Variants in ARHGAP15 observed in about 807,000 individuals in gnomAD.
ARHGAP15 encodes Rho GTPase activating protein 15.
Under a neutral mutation model 63.7 loss-of-function variants are expected in ARHGAP15, and 51 were observed. The observed-to-expected ratio is 0.80, with a 90% CI of 0.64 to 1.01. The LOEUF is 1.01. Among genes scored for constraint, ARHGAP15 ranks in the 50% least tolerant of loss-of-function variants. The probability of loss-of-function intolerance (pLI) is 0.00; values close to 1 mark genes in which losing one functional copy is unlikely to be tolerated. For synonymous variants in ARHGAP15, 191 were observed against 193.8 expected (o/e 0.99, Z 0.12); for missense variants, 560 against 564.6 (o/e 0.99, Z 0.08).
At chr2:143,264,946 C>T (rs540347015) in intron 6 of ARHGAP15, among the ~76,000 whole-genome samples, 2 of 152,048 alleles carry the variant, frequency 1.3e-5, no homozygotes, top group South Asian at 4.2e-4. Context: ...GGTCATGTAG[C>T]TTTTCTGTTA....
In ARHGAP15 at chr2:143,719,279, G is replaced by A. The variant is rs147651191; in HGVS notation, c.1244+15755G>A. ...TTACCTCCCATAGAGTTTGTGATAC[G>A]AAAAGATAAAGAAATCACTCCAAAT... On this transcript the variant is annotated intron_variant, in intron 13 of 13. Coordinates refer to ENST00000295095, the MANE Select transcript of ARHGAP15 (RefSeq NM_018460.4). Among the ~76,000 whole-genome samples, 365 of 152,190 alleles carry A rather than the reference G, an allele frequency of 2.4e-3. 2 individuals carry two copies. The highest frequency in any genetic ancestry group is 8.0e-3 in the African/African-American group (332 of 41,522).
At chr2:143,189,218 T>C (rs1044676124) in intron 2 of ARHGAP15, among the ~76,000 whole-genome samples, 1 of 152,188 alleles carries the variant, frequency 6.6e-6, no homozygotes, top group Non-Finnish European at 1.5e-5. Context: ...TGTAAGTGAT[T>C]GTTCCCCCTT....
At chr2:143,192,277 A>G (rs990666386) in intron 2 of ARHGAP15, among the ~76,000 whole-genome samples, 1 of 152,234 alleles carries the variant, frequency 6.6e-6, no homozygotes, top group Non-Finnish European at 1.5e-5. Context: ...TTGGCACTGT[A>G]TAAAGACTAG....
chr2:143,136,673 GA>G (rs1689156339), intron 1 of ARHGAP15, among the ~76,000 whole-genome samples: 1 of 151,788 alleles, frequency 6.6e-6, no homozygotes. Context: ...TATTACTGAA[GA>G]AAAAGATATG....
chr2:143,707,606 T>G (rs1684389826), intron 13 of ARHGAP15, among the ~76,000 whole-genome samples: 1 of 152,160 alleles, frequency 6.6e-6, no homozygotes, highest in African/African-American at 2.4e-5. Flanking sequence ...TGCAGACTTT[T>G]CAAAGTTTCA....
intron 6 of ARHGAP15, among the ~76,000 whole-genome samples, chr2:143,367,479 C>T (rs1574341813): frequency 6.6e-6 from 1 of 151,888 alleles, no homozygotes; most frequent in Non-Finnish European, 1.5e-5. Flanking sequence ...TTCCTTATTC[C>T]TGATTATTTT....
chr2:143,383,228 G>A (rs554685727), intron 6 of ARHGAP15, among the ~76,000 whole-genome samples: 3 of 152,174 alleles, frequency 2.0e-5, no homozygotes, highest in South Asian at 4.2e-4. Context: ...TGCCTAAGAA[G>A]GCTTCAAAGT....
At chr2:143,280,322 A>T (rs1002409047) in intron 6 of ARHGAP15, among the ~76,000 whole-genome samples, 3 of 152,136 alleles carry the variant, frequency 2.0e-5, no homozygotes, top group African/African-American at 7.2e-5. Flanking sequence ...GAAAGGATGT[A>T]GGGAGCACAG....
chr2:143,608,825 C>G (rs1488606007), intron 11 of ARHGAP15: 3 of 152,118 alleles, frequency 2.0e-5, no homozygotes, highest in African/African-American at 7.2e-5. Flanking sequence ...ATTTTTAAAG[C>G]TTTGAATTTC....
At chr2:143,508,474 T>G (rs1210959396) in intron 9 of ARHGAP15, among the ~76,000 whole-genome samples, 1 of 152,214 alleles carries the variant, frequency 6.6e-6, no homozygotes, top group Non-Finnish European at 1.5e-5. Flanking sequence ...AGACAGAGAG[T>G]GTTCTTTTCA....
chr2:143,511,864 G>A (rs1252475361), intron 9 of ARHGAP15, among the ~76,000 whole-genome samples: 1 of 152,176 alleles, frequency 6.6e-6, no homozygotes, highest in African/African-American at 2.4e-5. Context: ...CAATGACAGT[G>A]TAGTTAAATC....
rs58887426 is a variant in ARHGAP15 at position 143,531,127 on chromosome 2, C to CGTGAGTGTGTGTGCGT, written c.925+11764_925+11765insTGAGTGTGTGTGCGTG. On this transcript the variant is annotated intron_variant, in intron 10 of 13. Transcript: ENST00000295095. The stretch of plus-strand genomic sequence containing the variant: ...GATGCTGTGTGTGTATGTGTGTGCG[C>CGTGAGTGTGTGTGCGT]GCATGTGTGTGTTCTGTTCTGGAAG... Among the ~76,000 whole-genome samples, 5 of 151,762 alleles carry CGTGAGTGTGTGTGCGT rather than the reference C, an allele frequency of 3.3e-5. No homozygotes were observed. The South Asian group carries it at 8.3e-4, about 25-fold the overall frequency.
chr2:143,396,948 A>C (rs1449738994), intron 6 of ARHGAP15, among the ~76,000 whole-genome samples: 1 of 152,134 alleles, frequency 6.6e-6, no homozygotes, highest in African/African-American at 2.4e-5. Context: ...AGGTATAGTG[A>C]GGCAATGACT....
chr2:143,383,194 A>G (rs1687130139), intron 6 of ARHGAP15, among the ~76,000 whole-genome samples: 1 of 152,344 alleles, frequency 6.6e-6, no homozygotes, highest in Non-Finnish European at 1.5e-5. Context: ...ATTAGAAATG[A>G]CATTTCAGAA....
chr2:143,551,777 C>T (rs1695574497), intron 10 of ARHGAP15, among the ~76,000 whole-genome samples: 1 of 151,988 alleles, frequency 6.6e-6, no homozygotes, highest in Non-Finnish European at 1.5e-5. Flanking sequence ...ATTAAAATGG[C>T]AGATAGGTAC....
Position 143,382,079 on chromosome 2 carries a change from T to TCCTTTCCTTCCTTCCTCCCTC in ARHGAP15, c.475-53497_475-53477dup, listed in dbSNP as rs67419811. ...TTGCTTCTTTCCTTCCTTCCTTCCT[T>TCCTTTCCTTCCTTCCTCCCTC]CCTTTCCTTCCTTCCTCCCTCCCTT... On this transcript the variant is annotated intron_variant, in intron 6 of 13. Coordinates refer to ENST00000295095, the MANE Select transcript of ARHGAP15 (RefSeq NM_018460.4). Among the ~76,000 whole-genome samples, 1,120 of 145,680 alleles carry TCCTTTCCTTCCTTCCTCCCTC rather than the reference T, an allele frequency of 7.7e-3. 15 individuals are homozygous for TCCTTTCCTTCCTTCCTCCCTC. The highest frequency in any genetic ancestry group is 0.027 in the African/African-American group (1,058 of 38,720).
At chr2:143,257,444 A>G (rs998596455) in intron 6 of ARHGAP15, among the ~76,000 whole-genome samples, 10 of 152,142 alleles carry the variant, frequency 6.6e-5, no homozygotes, top group Non-Finnish European at 1.3e-4. Flanking sequence ...CATCTAATGA[A>G]CTTAGACAAC....
At chr2:143,387,655 G>T (rs1435751062) in intron 6 of ARHGAP15, among the ~76,000 whole-genome samples, 2 of 151,834 alleles carry the variant, frequency 1.3e-5, no homozygotes, top group Non-Finnish European at 2.9e-5. Context: ...GTATGAACCA[G>T]GCCATAGAGA....
intron 9 of ARHGAP15, among the ~76,000 whole-genome samples, chr2:143,503,014 G>A (rs147681375): frequency 3.9e-5 from 6 of 152,318 alleles, no homozygotes; most frequent in Admixed American, 2.6e-4. Flanking sequence ...GAGAGTCTGC[G>A]CTAACCAACT....
Sources: allele counts gnomAD v4.1 joint callset (sites outside exome capture counted in the v4.1 genomes callset), GRCh38; gene constraint gnomAD v4.1.1; transcripts MANE v1.5; gene names NCBI Gene and HGNC (gene_info 2026-07-23, HGNC 2026-07-21).